The following CDH12 variants were observed in gnomAD, a reference collection of about 807,000 sequenced individuals.
CDH12 encodes the protein cadherin-12.
CDH12 carries 41 observed loss-of-function variants against 74.1 expected under a neutral mutation model. The ratio of observed to expected loss-of-function variants is 0.55; its 90% confidence interval spans 0.43 to 0.72. The LOEUF is 0.72. Among genes scored for constraint, CDH12 ranks in the 30% least tolerant of loss-of-function variants. The pLI is 0.00. For synonymous variants in CDH12, 399 were observed against 355.0 expected (o/e 1.12, Z -1.39); for missense variants, 945 against 977.2 (o/e 0.97, Z 0.44).
intron 6 of CDH12, among the ~76,000 whole-genome samples, chr5:21,856,317 GATGTTTTCT>G (rs1750751377): frequency 6.6e-6 from 1 of 151,552 alleles, no homozygotes; most frequent in African/African-American, 2.4e-5. Context: ...TATTCATCAG[GATGTTTTCT>G]ATCCCTCCAC....
At position 22,824,252 on chromosome 5, in the gene CDH12, A is replaced by G. The variant is rs568031928; in HGVS notation, c.-523+28806T>C. 3.2e-4 allele frequency among the ~76,000 whole-genome samples: 48 copies of G among 152,266 alleles called. 1 individual carries two copies. In the South Asian group the frequency reaches 9.1e-3, roughly 29 times the overall value. ...AACAAAGATATTTTCAAGCACACAG[A>G]AACTGAGTGTGTAACTGTCAAACCC... On this transcript the variant is annotated intron_variant, in intron 1 of 14. Coordinates refer to ENST00000382254, the MANE Select transcript of CDH12 (RefSeq NM_004061.5).
chr5:21,789,691 T>C (rs1746386739), intron 10 of CDH12, among the ~76,000 whole-genome samples: 1 of 152,168 alleles, frequency 6.6e-6, no homozygotes, highest in Non-Finnish European at 1.5e-5. Context: ...TTTCTTTACT[T>C]CCATCTTTGA....
intron 5 of CDH12, among the ~76,000 whole-genome samples, chr5:22,024,418 T>C (rs1487871801): frequency 6.6e-6 from 1 of 152,202 alleles, no homozygotes; most frequent in African/African-American, 2.4e-5. Context: ...TTCTAAAAAA[T>C]CTAGCATATA....
intron 2 of CDH12, among the ~76,000 whole-genome samples, chr5:22,427,887 A>G (rs891632272): frequency 6.6e-6 from 1 of 152,168 alleles, no homozygotes; most frequent in Non-Finnish European, 1.5e-5. Flanking sequence ...CTTCACCCAA[A>G]AAAAAGTCAT....
intron 1 of CDH12, among the ~76,000 whole-genome samples, chr5:22,851,404 C>T (rs1737551955): frequency 6.6e-6 from 1 of 152,036 alleles, no homozygotes; most frequent in Admixed American, 6.6e-5. Context: ...CTGAACAACA[C>T]AGAAAATCAA....
intron 5 of CDH12, among the ~76,000 whole-genome samples, chr5:22,049,409 T>C (rs900219120): frequency 1.2e-4 from 18 of 152,118 alleles, no homozygotes; most frequent in African/African-American, 4.3e-4. Context: ...AATATGTTTC[T>C]AGTCCTCTTC....
chr5:22,742,725 T>C (rs1390725343), intron 1 of CDH12, among the ~76,000 whole-genome samples: 1 of 149,320 alleles, frequency 6.7e-6, no homozygotes, highest in Non-Finnish European at 1.5e-5. Flanking sequence ...ATATTATATA[T>C]ATTATATTAT....
At chr5:22,799,212 T>C (rs1748382528) in intron 1 of CDH12, among the ~76,000 whole-genome samples, 1 of 152,214 alleles carries the variant, frequency 6.6e-6, no homozygotes, top group African/African-American at 2.4e-5. Flanking sequence ...TTTTTTCCTC[T>C]CTGTGTAGAA....
intron 1 of CDH12, among the ~76,000 whole-genome samples, chr5:22,838,899 A>T (rs1304682336): frequency 6.6e-6 from 1 of 152,000 alleles, no homozygotes; most frequent in Non-Finnish European, 1.5e-5. Flanking sequence ...GCTGGTCTTG[A>T]ACTCTTGGCT....
At chr5:21,852,602 G>A (rs1406880324) in intron 7 of CDH12, among the ~76,000 whole-genome samples, 1 of 151,180 alleles carries the variant, frequency 6.6e-6, no homozygotes, top group Non-Finnish European at 1.5e-5. Flanking sequence ...GGTTAGATAT[G>A]GTTTTATCCA....
At chr5:22,664,256 C>A (rs1040984144) in intron 1 of CDH12, among the ~76,000 whole-genome samples, 1 of 152,074 alleles carries the variant, frequency 6.6e-6, no homozygotes, top group African/African-American at 2.4e-5. Context: ...TACAGAATTG[C>A]CCGATACTGG....
chr5:22,595,913 T>TAAA (rs1736578442), intron 1 of CDH12, among the ~76,000 whole-genome samples: 1 of 150,438 alleles, frequency 6.6e-6, no homozygotes, highest in African/African-American at 2.5e-5. Context: ...CCGTCTCTAC[T>TAAA]AAAAATAAAT....
chr5:22,781,281 A>G (rs1178835084), intron 1 of CDH12, among the ~76,000 whole-genome samples: 1 of 152,212 alleles, frequency 6.6e-6, no homozygotes, highest in Admixed American at 6.5e-5. Flanking sequence ...CTCATTAATC[A>G]TCCCAAAGAT....
rs983419657 is a variant in CDH12, at chr5:22,656,710, G to A, written c.-522-151346C>T. On this transcript the variant is annotated intron_variant, in intron 1 of 14. Transcript: ENST00000382254. ...AAACTCAGGAGTATTACTCATGTAT[G>A]TGCCACAAAAAGACATATTAAAATG... is the stretch of plus-strand genomic sequence containing the variant. Among the ~76,000 whole-genome samples the A allele has an allele frequency of 3.3e-5, 5 of 152,266 alleles. No homozygotes were observed. In the East Asian group the frequency reaches 9.6e-4, roughly 29 times the overall value.
chr5:22,708,431 G>A (rs1385815303), intron 1 of CDH12, among the ~76,000 whole-genome samples: 1 of 152,160 alleles, frequency 6.6e-6, no homozygotes, highest in African/African-American at 2.4e-5. Context: ...GATAAAGAAA[G>A]GGAGGTCAGA....
In CDH12 at chr5:22,283,776, G is replaced by A. The variant is rs1737019787; in HGVS notation, c.-332-71133C>T. On this transcript the variant is annotated intron_variant, in intron 3 of 14. Transcript: ENST00000382254. Reference sequence around the variant, plus strand: ...TAGATCTTTAATGTTTTTACCACAGGAGAAAGAAAACATAACTCTGCAAGG... The same window carrying A: ...TAGATCTTTAATGTTTTTACCACAGAAGAAAGAAAACATAACTCTGCAAGG... Among the ~76,000 whole-genome samples, 5 of 151,968 alleles carry A rather than the reference G, an allele frequency of 3.3e-5. No homozygotes were observed. The South Asian group carries it at 1.0e-3, about 31-fold the overall frequency.
chr5:22,150,543 T>C (rs1397521192), intron 4 of CDH12, among the ~76,000 whole-genome samples: 1 of 151,778 alleles, frequency 6.6e-6, no homozygotes, highest in Non-Finnish European at 1.5e-5. Context: ...CACACACATA[T>C]ATATATATGA....
intron 5 of CDH12, among the ~76,000 whole-genome samples, chr5:21,983,416 C>G (rs1757392827): frequency 6.6e-6 from 1 of 151,928 alleles, no homozygotes; most frequent in Non-Finnish European, 1.5e-5. Flanking sequence ...TTTTCATCTT[C>G]TCTTTCTCCA....
chr5:22,138,014 GA>G (rs1463204168), intron 4 of CDH12, among the ~76,000 whole-genome samples: 1 of 152,064 alleles, frequency 6.6e-6, no homozygotes, highest in African/African-American at 2.4e-5. Context: ...TTAAAAAATA[GA>G]AAAAGATATG....
Sources: gnomAD v4.1 joint callset for allele counts (sites outside exome capture counted in the v4.1 genomes callset) on GRCh38, gnomAD v4.1.1 for gene constraint, MANE v1.5 for transcripts, NCBI Gene and HGNC (gene_info 2026-07-23, HGNC 2026-07-21) for gene names.